The following ANKS1A variants were observed in gnomAD, a reference collection of about 807,000 sequenced individuals.
The protein encoded by ANKS1A is ankyrin repeat and SAM domain-containing protein 1A.
A neutral mutation model predicts 120.3 loss-of-function variants in ANKS1A; 55 were observed. The ratio of observed to expected loss-of-function variants is 0.46; its 90% CI spans 0.37 to 0.57. ANKS1A has a LOEUF of 0.57. Ranked by LOEUF, ANKS1A falls within the 20% of genes least tolerant of loss-of-function variation. ANKS1A has a pLI of 0.00. For missense variants in ANKS1A, 1,123 were observed against 1,480.3 expected (o/e 0.76, Z 3.96); for synonymous variants, 590 against 604.7 (o/e 0.98, Z 0.36).
chr6:35,023,674 G>C, intron 11 of ANKS1A: 1 of 420,090 alleles, frequency 2.4e-6, no homozygotes, highest in South Asian at 2.0e-5. Flanking sequence ...GTTGGATCAG[G>C]CTCTAAAGGA....
chr6:35,022,115 G>T (rs1372224404), intron 11 of ANKS1A, among the ~76,000 whole-genome samples: 1 of 152,112 alleles, frequency 6.6e-6, no homozygotes, highest in African/African-American at 2.4e-5. Context: ...CTGCCTCACT[G>T]CAGGGATGGG....
chr6:35,061,781 C>T (rs1026140536), intron 13 of ANKS1A, among the ~76,000 whole-genome samples: 4 of 152,218 alleles, frequency 2.6e-5, no homozygotes, highest in African/African-American at 4.8e-5. Flanking sequence ...CACCACGTTC[C>T]TCGGGGAAGG....
intron 1 of ANKS1A, among the ~76,000 whole-genome samples, chr6:34,965,863 C>T (rs924217833): frequency 3.3e-5 from 5 of 151,966 alleles, no homozygotes; most frequent in African/African-American, 1.2e-4. Flanking sequence ...TCTTCTGCCT[C>T]ATCCTCCCGA....
intron 12 of ANKS1A, among the ~76,000 whole-genome samples, chr6:35,056,305 T>C (rs1394965589): frequency 6.6e-6 from 1 of 152,236 alleles, no homozygotes; most frequent in African/African-American, 2.4e-5. Context: ...TTGTTGTTGT[T>C]TGAGACGGAG....
chr6:35,076,505 A>G (rs1777364769), intron 13 of ANKS1A, among the ~76,000 whole-genome samples: 1 of 152,256 alleles, frequency 6.6e-6, no homozygotes, highest in Non-Finnish European at 1.5e-5. Context: ...GGACAGCAGC[A>G]TTGGGGCTGA....
intron 1 of ANKS1A, among the ~76,000 whole-genome samples, chr6:34,935,923 G>A (rs1024120111): frequency 2.7e-5 from 4 of 150,448 alleles, no homozygotes; most frequent in Middle Eastern, 6.8e-3. Flanking sequence ...TTAGCCGGGC[G>A]TAGTGGCGGG....
chr6:35,061,193 C>T (rs1336238686), intron 13 of ANKS1A, among the ~76,000 whole-genome samples: 1 of 152,212 alleles, frequency 6.6e-6, no homozygotes. Flanking sequence ...CAGGGTCACA[C>T]TGTCAGTCAT....
chr6:34,958,243 C>T (rs1425305664), intron 1 of ANKS1A, among the ~76,000 whole-genome samples: 1 of 152,162 alleles, frequency 6.6e-6, no homozygotes, highest in African/African-American at 2.4e-5. Flanking sequence ...CCCTGGTTTT[C>T]CCCCAGAATT....
At chr6:35,003,127 G>A (rs1043218840) in intron 10 of ANKS1A, among the ~76,000 whole-genome samples, 12 of 151,802 alleles carry the variant, frequency 7.9e-5, no homozygotes, top group African/African-American at 2.2e-4. Context: ...TATGCTTCCC[G>A]CAAAAAGAAA....
Position 35,082,588 on chromosome 6 carries a change from A to G in ANKS1A, c.2710-103A>G, listed in dbSNP as rs746150985. On this transcript the variant is annotated intron_variant, in intron 17 of 23. Coordinates refer to ENST00000360359, the MANE Select transcript of ANKS1A (RefSeq NM_015245.3). The surrounding 1 kb of genome is among the most constrained non-coding windows in gnomAD (Gnocchi z 4.1). ...TCTCCACTCGACCCTTGAACTTGCT[A>G]AGGTCACTGGCATCTTCACCCTTGA... The G allele has an allele frequency of 2.1e-4, 307 of 1,441,342 alleles. No individual in the cohort carries two copies. Among genetic ancestry groups the G allele is most frequent in the Non-Finnish European group, 2.7e-4 (292 of 1,085,530 alleles). 89.3% of individuals were successfully genotyped at this position (1,441,342 alleles called of 1,614,324 possible).
intron 11 of ANKS1A, among the ~76,000 whole-genome samples, chr6:35,048,354 C>T (rs1041313068): frequency 2.6e-5 from 4 of 152,136 alleles, no homozygotes; most frequent in African/African-American, 7.2e-5. Flanking sequence ...AGACTGAGCC[C>T]GCTCTGTGGA....
At chr6:34,995,680 C>T (rs192745028) in intron 10 of ANKS1A, among the ~76,000 whole-genome samples, 1 of 152,316 alleles carries the variant, frequency 6.6e-6, no homozygotes, top group Non-Finnish European at 1.5e-5. Context: ...CCTTTTGAGC[C>T]TGGCCCCTTT....
chr6:34,953,179 A>G (rs1770170909), intron 1 of ANKS1A, among the ~76,000 whole-genome samples: 1 of 152,216 alleles, frequency 6.6e-6, no homozygotes, highest in African/African-American at 2.4e-5. Flanking sequence ...CAAACAAAAC[A>G]TATTTGAATC....
rs1349980609 is a variant in ANKS1A, at chr6:35,077,701, G to A, written c.2185-857G>A. Among the ~76,000 whole-genome samples the A allele has an allele frequency of 3.9e-5, 6 of 152,180 alleles. No individual in the cohort carries two copies. The East Asian group carries it at 1.2e-3, about 29-fold the overall frequency. On this transcript the variant is annotated intron_variant, in intron 13 of 23. Coordinates refer to ENST00000360359, the MANE Select transcript of ANKS1A (RefSeq NM_015245.3). ...CCAGGAGCGTGAAGGAGAGAGTCAGGCTGCCCAGGGTCCCCTCTTAGCTCC... is the reference window on the plus strand; with the variant it reads ...CCAGGAGCGTGAAGGAGAGAGTCAGACTGCCCAGGGTCCCCTCTTAGCTCC...
In ANKS1A at chr6:34,889,398, T is replaced by C; in HGVS notation, c.-5T>C. On this transcript the variant is annotated 5_prime_UTR_variant, in exon 1 of 24. Transcript: ENST00000360359. The surrounding 1 kb of genome is among the most constrained non-coding windows in gnomAD (Gnocchi z 5.5). ...GAGGGGGTCCAGCGGGTGGCGGCCC[T>C]GGGGATGGGGAAGGAGCAGGAGCTG... The C allele has an allele frequency of 7.9e-7, 1 of 1,263,250 alleles. No homozygotes were observed. Among genetic ancestry groups the C allele is most frequent in the South Asian group, 3.2e-5 (1 of 31,516 alleles). 78.3% of individuals were successfully genotyped at this position (1,263,250 alleles called of 1,614,324 possible).
chr6:35,077,114 C>A (rs537761615), intron 13 of ANKS1A, among the ~76,000 whole-genome samples: 1 of 152,160 alleles, frequency 6.6e-6, no homozygotes, highest in South Asian at 2.1e-4. Context: ...TGCTGTGTTG[C>A]TGATGGTGTG....
chr6:34,919,243 C>G (rs1018377024), intron 1 of ANKS1A, among the ~76,000 whole-genome samples: 1 of 152,126 alleles, frequency 6.6e-6, no homozygotes, highest in African/African-American at 2.4e-5. Context: ...GAAAACAGTT[C>G]CTTGTGAAGG....
chr6:35,023,824 C>T, intron 11 of ANKS1A: 1 of 235,322 alleles, frequency 4.2e-6, no homozygotes, highest in South Asian at 6.2e-5. Flanking sequence ...AGAATGCAGA[C>T]AGAAATAAAT....
At chr6:34,923,536 T>C (rs1175556318) in intron 1 of ANKS1A, among the ~76,000 whole-genome samples, 3 of 152,220 alleles carry the variant, frequency 2.0e-5, no homozygotes, top group Non-Finnish European at 1.5e-5. Flanking sequence ...TTCTATCTTA[T>C]TCAGTCTGCA....
Sources: allele counts gnomAD v4.1 joint callset (sites outside exome capture counted in the v4.1 genomes callset), GRCh38; gene constraint gnomAD v4.1.1; non-coding constraint Gnocchi (gnomAD v3.1); transcripts MANE v1.5; gene names NCBI Gene and HGNC (gene_info 2026-07-23, HGNC 2026-07-21).